Variants in DIS3L2 observed in about 807,000 individuals in gnomAD.
DIS3L2 encodes DIS3-like exonuclease 2.
Under a neutral mutation model 97.5 loss-of-function variants are expected in DIS3L2, and 34 were observed. The ratio of observed to expected loss-of-function variants is 0.35; its 90% confidence interval spans 0.27 to 0.46. The LOEUF is 0.46. DIS3L2 is among the 20% of genes least tolerant of loss of function. The pLI is 1.00. For missense variants in DIS3L2, 1,038 were observed against 1,146.0 expected (o/e 0.91, Z 1.36); for synonymous variants, 435 against 445.2 (o/e 0.98, Z 0.29).
intron 6 of DIS3L2, among the ~76,000 whole-genome samples, chr2:232,099,899 G>A (rs1697143562): frequency 6.6e-6 from 1 of 151,922 alleles, no homozygotes; most frequent in Non-Finnish European, 1.5e-5. Context: ...TCTCCTTTGT[G>A]TCTGTACTTT....
At chr2:232,133,503 A>G (rs545140428) in intron 7 of DIS3L2, among the ~76,000 whole-genome samples, 1 of 152,296 alleles carries the variant, frequency 6.6e-6, no homozygotes, top group East Asian at 1.9e-4. Context: ...ACAATTGGAA[A>G]CCACCAATCA....
At chr2:231,964,179 TG>T (rs1342426111) in intron 1 of DIS3L2, among the ~76,000 whole-genome samples, 1 of 152,224 alleles carries the variant, frequency 6.6e-6, no homozygotes, top group Non-Finnish European at 1.5e-5. Context: ...ATCATATGGT[TG>T]TAGGTGTGTG....
intron 1 of DIS3L2, among the ~76,000 whole-genome samples, chr2:231,997,764 C>T (rs1693769891): frequency 6.6e-6 from 1 of 152,110 alleles, no homozygotes; most frequent in African/African-American, 2.4e-5. Context: ...ACCACATTTG[C>T]TTTAGTATCC....
chr2:232,336,445 C>G (rs1378283795), intron 20 of DIS3L2, 24 bp from the exon 21 acceptor site: 2 of 1,601,552 alleles, frequency 1.2e-6, no homozygotes, highest in African/African-American at 2.7e-5. Context: ...CATCCTTGTC[C>G]CCTCACGGCT....
chr2:232,301,609 A>G (rs1388679691), intron 14 of DIS3L2, among the ~76,000 whole-genome samples: 1 of 152,208 alleles, frequency 6.6e-6, no homozygotes, highest in Non-Finnish European at 1.5e-5. Context: ...GGAGAATGCC[A>G]TAGTAACTGG....
Position 232,086,659 on chromosome 2 carries a change from ATG to A in DIS3L2, c.367-810_367-809del, listed in dbSNP as rs753898708. On this transcript the variant is annotated intron_variant, in intron 5 of 20. Coordinates refer to ENST00000325385, the MANE Select transcript of DIS3L2 (RefSeq NM_152383.5). ...TATATATATATGTATATATATATAT[ATG>A]TGTGTGTGTGTGTGTGTATATATAT... Among the ~76,000 whole-genome samples, 5 of 92,510 alleles carry A rather than the reference ATG, an allele frequency of 5.4e-5. No homozygotes were observed. In the South Asian group the frequency reaches 9.5e-4, roughly 18 times the overall value. The allele number at this position is 92,510 out of a possible 152,430, so 60.7% of individuals were successfully genotyped here. A position where few individuals can be genotyped will look rare whatever the true frequency, so the allele number is the denominator to read the frequency against.
At chr2:232,143,738 A>C (rs993384161) in intron 8 of DIS3L2, among the ~76,000 whole-genome samples, 2 of 152,134 alleles carry the variant, frequency 1.3e-5, no homozygotes, top group African/African-American at 4.8e-5. Flanking sequence ...TTTGAAACCT[A>C]ATACTAAAAC....
At chr2:232,138,134 A>G (rs1698410037) in intron 8 of DIS3L2, among the ~76,000 whole-genome samples, 1 of 152,154 alleles carries the variant, frequency 6.6e-6, no homozygotes, top group African/African-American at 2.4e-5. Context: ...TAGTCAGGAA[A>G]TCTTCATAGT....
At chr2:232,058,470 C>G (rs1429118137) in intron 5 of DIS3L2, among the ~76,000 whole-genome samples, 1 of 152,074 alleles carries the variant, frequency 6.6e-6, no homozygotes, top group East Asian at 1.9e-4. Context: ...CTAATTAGAA[C>G]TAGTAAGCTA....
chr2:231,996,308 A>G (rs540418579), intron 1 of DIS3L2, among the ~76,000 whole-genome samples: 2 of 152,232 alleles, frequency 1.3e-5, no homozygotes, highest in South Asian at 4.1e-4. Flanking sequence ...CTTGCCTTAG[A>G]TAGAGTAGCT....
intron 5 of DIS3L2, among the ~76,000 whole-genome samples, chr2:232,045,654 C>A (rs1037466139): frequency 6.8e-6 from 1 of 146,158 alleles, no homozygotes; most frequent in East Asian, 2.0e-4. Context: ...GATATCATCA[C>A]CTTTTAAAGG....
intron 1 of DIS3L2, among the ~76,000 whole-genome samples, chr2:231,968,000 T>C (rs1692772431): frequency 6.6e-6 from 1 of 152,066 alleles, no homozygotes; most frequent in African/African-American, 2.4e-5. Flanking sequence ...TGTGTGTACT[T>C]GTAAGACTAT....
chr2:232,274,718 A>G (rs895949922), intron 13 of DIS3L2, among the ~76,000 whole-genome samples: 8 of 152,218 alleles, frequency 5.3e-5, no homozygotes, highest in Admixed American at 2.0e-4. Context: ...TGAAGACAAG[A>G]TATAATAAGA....
At chr2:232,341,849 C>T (rs892887178), downstream of DIS3L2, among the ~76,000 whole-genome samples, 1 of 152,194 alleles carries the variant, frequency 6.6e-6, no homozygotes, top group Non-Finnish European at 1.5e-5. Context: ...TGTAAGGAAG[C>T]CCAAGCAGCT....
chr2:232,335,982 G>A lies in DIS3L2; in HGVS notation c.2496+108G>A, dbSNP rs1695931249. 3.3e-6 allele frequency: 5 copies of A among 1,532,908 alleles called. No homozygotes were observed. The Admixed American group carries it at 1.0e-4, about 31-fold the overall frequency. 95.0% of individuals were successfully genotyped at this position (1,532,908 alleles called of 1,614,324 possible). Reference sequence around the variant, plus strand: ...GTGTCCCCTGGGCTCCCCCAGCACTGCAGCCTCCCGGGTGGGGTTTTAGGG... The same window carrying A: ...GTGTCCCCTGGGCTCCCCCAGCACTACAGCCTCCCGGGTGGGGTTTTAGGG... On this transcript the variant is annotated intron_variant, in intron 20 of 20. Transcript: ENST00000325385.
At chr2:232,066,322 A>G (rs1206025134) in intron 5 of DIS3L2, among the ~76,000 whole-genome samples, 1 of 152,002 alleles carries the variant, frequency 6.6e-6, no homozygotes, top group Admixed American at 6.6e-5. Flanking sequence ...GTCTTAGTGG[A>G]ATTTTCATCA....
At chr2:232,207,278 C>A (rs897522516) in intron 9 of DIS3L2, among the ~76,000 whole-genome samples, 12 of 152,120 alleles carry the variant, frequency 7.9e-5, no homozygotes, top group Admixed American at 6.5e-4. Flanking sequence ...AAGAAGTGGA[C>A]ACTTCCTTCT....
chr2:232,195,978 C>A (rs1328955584), intron 9 of DIS3L2, among the ~76,000 whole-genome samples: 1 of 152,182 alleles, frequency 6.6e-6, no homozygotes, highest in South Asian at 2.1e-4. Context: ...TTAAATTCCT[C>A]CTAAAGTTAG....
chr2:232,000,869 C>T (rs962842902), intron 1 of DIS3L2, among the ~76,000 whole-genome samples: 2 of 144,380 alleles, frequency 1.4e-5, no homozygotes, highest in African/African-American at 5.1e-5. Context: ...ACCCGGCTTC[C>T]TTTTTTTTTT....
Sources: allele counts gnomAD v4.1 joint callset (sites outside exome capture counted in the v4.1 genomes callset), GRCh38; gene constraint gnomAD v4.1.1; transcripts MANE v1.5; gene names NCBI Gene and HGNC (gene_info 2026-07-23, HGNC 2026-07-21).